The following VEZT variants were observed in gnomAD, a reference collection of about 807,000 sequenced individuals.
VEZT encodes vezatin, adherens junctions transmembrane protein, also known as vezatin.
VEZT carries 39 observed loss-of-function variants against 79.9 expected under a neutral mutation model. That is an observed-to-expected ratio of 0.49 (90% CI 0.38 to 0.64). VEZT has a LOEUF of 0.64. VEZT is among the 30% of genes least tolerant of loss of function. The pLI is 0.00. For synonymous variants in VEZT, 325 were observed against 327.6 expected (o/e 0.99, Z 0.09); for missense variants, 837 against 893.1 (o/e 0.94, Z 0.80).
At chr12:95,271,193 T>C (rs914263072) in intron 6 of VEZT, among the ~76,000 whole-genome samples, 3 of 152,156 alleles carry the variant, frequency 2.0e-5, no homozygotes, top group South Asian at 2.1e-4. Context: ...TCTCTTTCTA[T>C]ATATATATGG....
chr12:95,236,378 GTCCAGCT>G (rs1166123390), intron 1 of VEZT, among the ~76,000 whole-genome samples: 2 of 152,190 alleles, frequency 1.3e-5, no homozygotes, highest in Non-Finnish European at 2.9e-5. Context: ...CAGCAGTACA[GTCCAGCT>G]TCGGCTCGGC....
At chr12:95,279,597 C>A (rs1172101897) in intron 7 of VEZT, among the ~76,000 whole-genome samples, 1 of 152,102 alleles carries the variant, frequency 6.6e-6, no homozygotes, top group Non-Finnish European at 1.5e-5. Context: ...GATTGGATGA[C>A]AAATTAGTCT....
intron 8 of VEZT, among the ~76,000 whole-genome samples, chr12:95,285,324 G>A (rs1363063485): frequency 2.0e-5 from 3 of 151,698 alleles, no homozygotes; most frequent in Non-Finnish European, 4.4e-5. Flanking sequence ...CACGCCTGTA[G>A]TCCCAGCTGC....
rs1439903435 is a variant in VEZT at position 95,282,376 on chromosome 12, T to G, written c.1060T>G (p.Ser354Ala). The G allele has an allele frequency of 1.2e-6, 2 of 1,614,018 alleles. No homozygotes were observed. The highest frequency in any genetic ancestry group is 1.1e-5 in the South Asian group (1 of 91,084). The change falls in exon 8 of 12, where the codon TCT (serine) becomes GCT (alanine). Residue 354 changes from serine (S) to alanine (A), a missense_variant. Ser to Ala is a moderately conservative substitution (Grantham distance 99). Coordinates refer to ENST00000436874, the MANE Select transcript of VEZT (RefSeq NM_017599.4). The stretch of plus-strand genomic sequence containing the variant: ...CTTCAGACGGTTAGCCCTATTACTT[T>G]CTACAGCCAATTCACCTCCTGGGCC... ...EFFRRLALLL[S>A]TANSPPGPLL...
chr12:95,224,183 C>A (rs1369560709), intron 1 of VEZT: 1 of 455,896 alleles, frequency 2.2e-6, no homozygotes, highest in African/African-American at 2.0e-5. Flanking sequence ...CATTTAGGTT[C>A]GGCCAGTGGG....
At chr12:95,218,848 T>C (rs1592915732) in intron 1 of VEZT, among the ~76,000 whole-genome samples, 1 of 152,142 alleles carries the variant, frequency 6.6e-6, no homozygotes, top group Non-Finnish European at 1.5e-5. Context: ...TAACTATGAA[T>C]TGGATTAGAA....
At chr12:95,245,854 C>T (rs2061642039) in intron 1 of VEZT, among the ~76,000 whole-genome samples, 1 of 152,188 alleles carries the variant, frequency 6.6e-6, no homozygotes, top group Non-Finnish European at 1.5e-5. Flanking sequence ...GTAGCTTGCA[C>T]CTGTAGTCCC....
At chr12:95,223,455 T>C (rs2057923410) in intron 1 of VEZT, among the ~76,000 whole-genome samples, 1 of 152,162 alleles carries the variant, frequency 6.6e-6, no homozygotes, top group Admixed American at 6.5e-5. Context: ...ACTTTTCTTT[T>C]TTTTGAGACA....
At chr12:95,261,123 ATCT>A (rs1328957040) in intron 3 of VEZT, among the ~76,000 whole-genome samples, 2 of 152,106 alleles carry the variant, frequency 1.3e-5, no homozygotes, top group Non-Finnish European at 2.9e-5. Context: ...AATATTAAAA[ATCT>A]TCTTCTCTAA....
chr12:95,247,151 CAT>C lies in VEZT; in HGVS notation c.37-4788_37-4787del, dbSNP rs1209599214. ...TATTTGCCTTTGTCACTGTCATTCT[CAT>C]GTGTGTATACAGAGTACAAAAAGCT... is the stretch of plus-strand genomic sequence containing the variant. On this transcript the variant is annotated intron_variant, in intron 1 of 11. Transcript: ENST00000436874. Among the ~76,000 whole-genome samples, 9 of 152,274 alleles carry C rather than the reference CAT, an allele frequency of 5.9e-5. No individual in the cohort carries two copies. In the South Asian group the frequency reaches 8.3e-4, roughly 14 times the overall value.
At chr12:95,249,313 G>A (rs1345950751) in intron 1 of VEZT, among the ~76,000 whole-genome samples, 3 of 152,062 alleles carry the variant, frequency 2.0e-5, no homozygotes, top group African/African-American at 7.2e-5. Flanking sequence ...TTTTTTTAAA[G>A]TATGTAAGGT....
At chr12:95,248,429 T>G (rs2062006383) in intron 1 of VEZT, among the ~76,000 whole-genome samples, 1 of 152,056 alleles carries the variant, frequency 6.6e-6, no homozygotes, top group Non-Finnish European at 1.5e-5. Flanking sequence ...ACAGAACATA[T>G]TTGAAGAAAA....
At chr12:95,299,872 G>C (rs944138833) in intron 11 of VEZT, 6 of 181,572 alleles carry the variant, frequency 3.3e-5, no homozygotes, top group African/African-American at 1.4e-4. Flanking sequence ...TGATAATGTT[G>C]GTTCAGGGAA....
chr12:95,223,451 C>CT (rs1327559999), intron 1 of VEZT, among the ~76,000 whole-genome samples: 1 of 151,812 alleles, frequency 6.6e-6, no homozygotes, highest in Non-Finnish European at 1.5e-5. Flanking sequence ...ATAGACTTTT[C>CT]TTTTTTTTGA....
intron 1 of VEZT, among the ~76,000 whole-genome samples, chr12:95,222,193 C>T (rs564606384): frequency 6.6e-6 from 1 of 152,218 alleles, no homozygotes; most frequent in South Asian, 2.1e-4. Context: ...CCAATTAAAC[C>T]TTATTCTTTT....
At chr12:95,269,665 A>G (rs549998570) in intron 5 of VEZT, among the ~76,000 whole-genome samples, 1 of 152,358 alleles carries the variant, frequency 6.6e-6, no homozygotes, top group Non-Finnish European at 1.5e-5. Flanking sequence ...AAAACTGAAT[A>G]TAAAGTAGCT....
intron 1 of VEZT, among the ~76,000 whole-genome samples, chr12:95,227,827 T>A (rs185664450): frequency 1.3e-5 from 2 of 152,352 alleles, no homozygotes; most frequent in African/African-American, 4.8e-5. Context: ...GAAGAGTGCC[T>A]GGAAATAAGA....
At chr12:95,276,259 C>CTTTTTTTTTTT (rs35034660) in intron 7 of VEZT, among the ~76,000 whole-genome samples, 8 of 75,156 alleles carry the variant, frequency 1.1e-4, no homozygotes, top group South Asian at 5.8e-4. Flanking sequence ...TAATTTTTTT[C>CTTTTTTTTTTT]TTTTTTTTTT....
chr12:95,270,918 A>T (rs1273259444), intron 6 of VEZT, among the ~76,000 whole-genome samples: 2 of 152,222 alleles, frequency 1.3e-5, no homozygotes, highest in Non-Finnish European at 2.9e-5. Context: ...ATCCTGACTA[A>T]GTAGAAGGTA....
Sources: gnomAD v4.1 joint callset for allele counts (sites outside exome capture counted in the v4.1 genomes callset) on GRCh38, gnomAD v4.1.1 for gene constraint, MANE v1.5 for transcripts, NCBI Gene and HGNC (gene_info 2026-07-23, HGNC 2026-07-21) for gene names.